The following PTPRG variants were observed in gnomAD, a reference collection of about 807,000 sequenced individuals.
PTPRG encodes the protein protein tyrosine phosphatase receptor type G.
Under a neutral mutation model 165.3 loss-of-function variants are expected in PTPRG, and 102 were observed. The ratio of observed to expected loss-of-function variants is 0.62; its 90% CI spans 0.53 to 0.73. The LOEUF (loss-of-function observed/expected upper bound fraction) is 0.73, where lower values mean the gene tolerates loss of function less well. Ranked by LOEUF, PTPRG falls within the 30% of genes least tolerant of loss-of-function variation. The probability of loss-of-function intolerance (pLI) is 0.00; values close to 1 mark genes in which losing one functional copy is unlikely to be tolerated. For missense variants in PTPRG, 1,866 were observed against 1,861.4 expected (o/e 1.00, Z -0.05); for synonymous variants, 675 against 669.5 (o/e 1.01, Z -0.13).
intron 6 of PTPRG, among the ~76,000 whole-genome samples, chr3:62,149,261 G>A (rs1704235931): frequency 7.0e-6 from 1 of 142,618 alleles, no homozygotes; most frequent in African/African-American, 2.6e-5. Context: ...GGTCCCCCTA[G>A]GGAGGCCTCT....
intron 2 of PTPRG, among the ~76,000 whole-genome samples, chr3:61,783,159 T>C (rs558752873): frequency 1.3e-5 from 2 of 152,270 alleles, no homozygotes; most frequent in South Asian, 4.1e-4. Flanking sequence ...TATTTCAACA[T>C]GGCAAGACCC....
At chr3:61,714,282 G>C (rs147534705) in intron 1 of PTPRG, among the ~76,000 whole-genome samples, 1 of 151,924 alleles carries the variant, frequency 6.6e-6, no homozygotes, top group African/African-American at 2.4e-5. Flanking sequence ...TTTCTAGGTG[G>C]GCCCATAGCT....
At chr3:62,232,690 T>G (rs1700932944) in intron 14 of PTPRG, among the ~76,000 whole-genome samples, 2 of 152,180 alleles carry the variant, frequency 1.3e-5, no homozygotes, top group Non-Finnish European at 1.5e-5. Flanking sequence ...GTGGGCCCAT[T>G]ATAGATATAT....
intron 2 of PTPRG, among the ~76,000 whole-genome samples, chr3:61,821,641 A>G (rs1257843336): frequency 6.6e-6 from 1 of 152,250 alleles, no homozygotes; most frequent in African/African-American, 2.4e-5. Flanking sequence ...GACCCTAAGC[A>G]TAGAAGACAG....
chr3:61,959,823 C>T lies in PTPRG; in HGVS notation c.191-29802C>T, dbSNP rs547450138. On this transcript the variant is annotated intron_variant, in intron 2 of 29. Transcript: ENST00000474889. Reference sequence around the variant, plus strand: ...TGCCTGTGTGAGAAACCCTCCTGGACCACTAAAGCCCAGTGTCATTTTGTT... The same window carrying T: ...TGCCTGTGTGAGAAACCCTCCTGGATCACTAAAGCCCAGTGTCATTTTGTT... 2.0e-4 allele frequency among the ~76,000 whole-genome samples: 30 copies of T among 152,344 alleles called. No individual in the cohort carries two copies. The South Asian group carries it at 6.2e-3, about 32-fold the overall frequency.
intron 1 of PTPRG, among the ~76,000 whole-genome samples, chr3:61,573,484 G>C (rs1233917592): frequency 1.3e-5 from 2 of 152,182 alleles, no homozygotes; most frequent in African/African-American, 4.8e-5. Flanking sequence ...AGAGTGGCTA[G>C]CTTTTGACTA....
intron 2 of PTPRG, among the ~76,000 whole-genome samples, chr3:61,805,698 A>G (rs1261421466): frequency 6.6e-6 from 1 of 152,074 alleles, no homozygotes; most frequent in Non-Finnish European, 1.5e-5. Context: ...GAGCCACCCC[A>G]CTGGGATGTA....
rs1297591450 is a variant in PTPRG, at chr3:62,255,615, T to C, written c.2559+400T>C. 1.3e-5 allele frequency among the ~76,000 whole-genome samples: 2 copies of C among 152,200 alleles called. No homozygotes were observed. The highest frequency in any genetic ancestry group is 2.4e-5 in the African/African-American group (1 of 41,458). ...GTTTGGTGTCTGAGAAACTGGGTGC[T>C]GGCTTCATCAGTAGTGAGCTTCATA... On this transcript the variant is annotated intron_variant, in intron 16 of 29. Transcript: ENST00000474889. The surrounding 1 kb of genome is among the most constrained non-coding windows in gnomAD (Gnocchi z 4.0).
chr3:61,764,035 A>G (rs12491760), intron 2 of PTPRG, among the ~76,000 whole-genome samples: 57,636 of 151,986 alleles, frequency 0.38, 11,643 homozygotes, highest in East Asian at 0.8. Flanking sequence ...AGGAAGCTCT[A>G]TGTGACAGTG....
At chr3:61,686,191 A>G (rs1419342476) in intron 1 of PTPRG, among the ~76,000 whole-genome samples, 1 of 152,224 alleles carries the variant, frequency 6.6e-6, no homozygotes, top group Non-Finnish European at 1.5e-5. Flanking sequence ...AAGGTTCTCT[A>G]GGACCACTTA....
chr3:62,263,723 C>G (rs1363318553), intron 17 of PTPRG: 1 of 152,114 alleles, frequency 6.6e-6, no homozygotes, highest in Non-Finnish European at 1.5e-5. Flanking sequence ...TGAAATTTAC[C>G]CATTTAAGGC....
At chr3:62,063,638 T>C (rs1273422255) in intron 4 of PTPRG, among the ~76,000 whole-genome samples, 2 of 152,190 alleles carry the variant, frequency 1.3e-5, no homozygotes, top group Non-Finnish European at 2.9e-5. Context: ...TCTGCATAAA[T>C]CTGAAACAGT....
At chr3:61,856,576 A>ACAC (rs2037112194) in intron 2 of PTPRG, among the ~76,000 whole-genome samples, 1 of 152,116 alleles carries the variant, frequency 6.6e-6, no homozygotes, top group Admixed American at 6.5e-5. Flanking sequence ...ATACAAGTGT[A>ACAC]TTCCCGTATT....
At chr3:61,574,624 G>A (rs922686388) in intron 1 of PTPRG, among the ~76,000 whole-genome samples, 5 of 152,160 alleles carry the variant, frequency 3.3e-5, no homozygotes, top group South Asian at 2.1e-4. Flanking sequence ...TGTGATAGAG[G>A]TTTGCATGCT....
chr3:62,168,425 G>A (rs2106735817), intron 8 of PTPRG, among the ~76,000 whole-genome samples: 1 of 152,272 alleles, frequency 6.6e-6, no homozygotes, highest in East Asian at 1.9e-4. Flanking sequence ...AAACTTACTA[G>A]CAGTGTCTAG....
chr3:62,103,747 C>T (rs949817687), intron 5 of PTPRG, among the ~76,000 whole-genome samples: 2 of 152,192 alleles, frequency 1.3e-5, no homozygotes, highest in African/African-American at 4.8e-5. Context: ...GGCACACAGG[C>T]TGGGGCAGCA....
chr3:62,165,169 C>T (rs933969189), intron 7 of PTPRG, among the ~76,000 whole-genome samples: 1 of 152,202 alleles, frequency 6.6e-6, no homozygotes, highest in African/African-American at 2.4e-5. Context: ...CCTTACTCAC[C>T]TTTTCCTCAG....
intron 6 of PTPRG, 86 bp downstream of exon 6, chr3:62,132,754 C>A: frequency 1.7e-6 from 2 of 1,176,998 alleles, no homozygotes; most frequent in Non-Finnish European, 2.6e-6. Flanking sequence ...TTGCAGAGGA[C>A]AGAGGGTGAC....
intron 1 of PTPRG, among the ~76,000 whole-genome samples, chr3:61,653,253 CT>C (rs1056136604): frequency 6.6e-6 from 1 of 152,064 alleles, no homozygotes. Context: ...CTGTCTGTGA[CT>C]GATGTTATGC....
Sources: gnomAD v4.1 joint callset for allele counts (sites outside exome capture counted in the v4.1 genomes callset) on GRCh38, gnomAD v4.1.1 for gene constraint, Gnocchi (gnomAD v3.1) non-coding constraint, MANE v1.5 for transcripts, NCBI Gene and HGNC (gene_info 2026-07-23, HGNC 2026-07-21) for gene names.